TENM1: variants seen among roughly 807,000 people sequenced by gnomAD.
The protein encoded by TENM1 is teneurin-1.
A neutral mutation model predicts 174.8 loss-of-function variants in TENM1; 35 were observed. The observed-to-expected ratio is 0.20, with a 90% confidence interval of 0.15 to 0.27. The LOEUF (loss-of-function observed/expected upper bound fraction) is 0.27, where lower values mean the gene tolerates loss of function less well. TENM1 is among the 10% of genes least tolerant of loss of function. TENM1 has a pLI of 1.00. For missense variants in TENM1, 1,633 were observed against 2,130.1 expected (o/e 0.77, Z 4.59); for synonymous variants, 781 against 798.7 (o/e 0.98, Z 0.37).
chrX:124,645,415 C>T (rs2051132808), intron 9 of TENM1, 78 bp from the exon 13 acceptor site: 6 of 986,853 alleles, frequency 6.1e-6, no homozygotes, highest in Non-Finnish European at 8.3e-6. Context: ...TATTGATTTT[C>T]GTATTTCAGG....
chrX:124,398,206 C>A (rs376759363), intron 27 of TENM1, among the ~76,000 whole-genome samples: 1 of 105,570 alleles, frequency 9.5e-6, no homozygotes, highest in Middle Eastern at 4.6e-3. Context: ...CCAGCCTGGG[C>A]GACAGAGCAA....
the TENM1 span, among the ~76,000 whole-genome samples, chrX:124,979,347 T>A: frequency 1.1e-4 from 12 of 112,153 alleles, no homozygotes; most frequent in East Asian, 2.5e-3. Context: ...GTAGATTATC[T>A]CATTAGACTA....
At chrX:124,514,362 T>C (rs1414844058) in intron 18 of TENM1, among the ~76,000 whole-genome samples, 2 of 110,751 alleles carry the variant, frequency 1.8e-5, no homozygotes, top group East Asian at 5.6e-4. Flanking sequence ...AGGAAGATCA[T>C]AAAGAATTAG....
At chrX:124,405,766 G>T (rs1305196053) in intron 26 of TENM1, among the ~76,000 whole-genome samples, 1 of 110,968 alleles carries the variant, frequency 9.0e-6, no homozygotes, top group African/African-American at 3.3e-5. Context: ...ACAGGGCAGA[G>T]AGAAAGCAAT....
At chrX:125,046,436 G>A in the TENM1 span, among the ~76,000 whole-genome samples, 2 of 112,236 alleles carry the variant, frequency 1.8e-5, no homozygotes, top group Admixed American at 9.4e-5. Flanking sequence ...GTCAATGGCT[G>A]TAAAATTCCT....
chrX:124,736,312 CTGCA>C (rs1271910423), intron 4 of TENM1, among the ~76,000 whole-genome samples: 1 of 111,773 alleles, frequency 8.9e-6, no homozygotes, highest in Non-Finnish European at 1.9e-5. Context: ...GGACCTAGAA[CTGCA>C]AAGAGTAGAA....
At chrX:125,077,004 T>C in the TENM1 span, among the ~76,000 whole-genome samples, 6 of 111,133 alleles carry the variant, frequency 5.4e-5, no homozygotes, top group Admixed American at 5.8e-4. Flanking sequence ...TTTCCCTTTC[T>C]GCTACTTTTT....
intron 3 of TENM1, among the ~76,000 whole-genome samples, chrX:124,881,718 TG>T (rs2057306673): frequency 9.1e-6 from 1 of 109,347 alleles, no homozygotes; most frequent in African/African-American, 3.4e-5. Flanking sequence ...TTGTTGTTGT[TG>T]TTGTTGTTTT....
intron 11 of TENM1, among the ~76,000 whole-genome samples, chrX:124,605,914 G>C (rs940564447): frequency 1.8e-5 from 2 of 111,699 alleles, no homozygotes; most frequent in African/African-American, 6.5e-5. Context: ...TTGTAGCAGT[G>C]TATATTAAAG....
intron 11 of TENM1, among the ~76,000 whole-genome samples, chrX:124,586,314 C>A (rs2049510823): frequency 9.2e-6 from 1 of 108,852 alleles, no homozygotes; most frequent in Admixed American, 9.8e-5. Flanking sequence ...CCGAATCCAG[C>A]AGCACATCAA....
the TENM1 span, among the ~76,000 whole-genome samples, chrX:125,123,010 T>A: frequency 9.0e-6 from 1 of 111,701 alleles, no homozygotes; most frequent in Non-Finnish European, 1.9e-5. Flanking sequence ...TGTAGAATCA[T>A]ACAATTTCTT....
intron 6 of TENM1, among the ~76,000 whole-genome samples, chrX:124,659,941 G>A (rs191093267): frequency 1.8e-5 from 2 of 110,738 alleles, no homozygotes; most frequent in South Asian, 3.9e-4. Flanking sequence ...AAGAATAAAC[G>A]TGACCCCCTT....
chrX:124,738,417 A>ATT (rs1385939072), intron 3 of TENM1, among the ~76,000 whole-genome samples: 3 of 112,165 alleles, frequency 2.7e-5, no homozygotes, highest in African/African-American at 9.7e-5. Context: ...TAAAAACGAT[A>ATT]TTAGCCTCCC....
chrX:124,511,203 G>T (rs774014698), intron 18 of TENM1, among the ~76,000 whole-genome samples: 3 of 111,908 alleles, frequency 2.7e-5, no homozygotes, highest in Non-Finnish European at 5.6e-5. Context: ...ATTTATTAAC[G>T]TTGATTTTCA....
chrX:125,157,306 T>C, the TENM1 span, among the ~76,000 whole-genome samples: 4 of 112,277 alleles, frequency 3.6e-5, no homozygotes, highest in South Asian at 1.5e-3. Context: ...TAAGAAGCTC[T>C]GGGACAGTTT....
At chrX:125,178,837 T>C in the TENM1 span, among the ~76,000 whole-genome samples, 3 of 111,018 alleles carry the variant, frequency 2.7e-5, no homozygotes, top group African/African-American at 9.8e-5. Flanking sequence ...CCTGGCATGG[T>C]GGCTCATGTA....
At chrX:124,755,420 G>C (rs902731783) in intron 3 of TENM1, among the ~76,000 whole-genome samples, 1 of 111,165 alleles carries the variant, frequency 9.0e-6, no homozygotes, top group African/African-American at 3.3e-5. Context: ...ACAGCACACT[G>C]ATGGGTCTTG....
chrX:124,851,943 A>G (rs2056727343), intron 3 of TENM1, among the ~76,000 whole-genome samples: 1 of 111,328 alleles, frequency 9.0e-6, no homozygotes, highest in Non-Finnish European at 1.9e-5. Flanking sequence ...GCTCTAAGGT[A>G]AAAAACCAAG....
chrX:124,884,768 C>CG (rs1181159604), intron 3 of TENM1, among the ~76,000 whole-genome samples: 1 of 111,951 alleles, frequency 8.9e-6, no homozygotes, highest in African/African-American at 3.3e-5. Context: ...AGCTAGCTTC[C>CG]TTTCTCTCTC....
Sources: allele counts gnomAD v4.1 joint callset (sites outside exome capture counted in the v4.1 genomes callset), GRCh38; gene constraint gnomAD v4.1.1; transcripts MANE v1.5; gene names NCBI Gene and HGNC (gene_info 2026-07-23, HGNC 2026-07-21).